FNDC3A: variants seen among roughly 807,000 people sequenced by gnomAD.
The protein encoded by FNDC3A is fibronectin type-III domain-containing protein 3A.
Under a neutral mutation model 148.9 loss-of-function variants are expected in FNDC3A, and 32 were observed. The observed-to-expected ratio is 0.21, with a 90% CI of 0.16 to 0.29. FNDC3A has a LOEUF of 0.29. Ranked by LOEUF, FNDC3A falls within the 10% of genes least tolerant of loss-of-function variation. The pLI is 1.00. For missense variants in FNDC3A, 1,191 were observed against 1,452.8 expected (o/e 0.82, Z 2.93); for synonymous variants, 472 against 473.6 (o/e 1.00, Z 0.04).
intron 12 of FNDC3A, 51 bp downstream of exon 12, chr13:49,174,610 A>G (rs1230206254): frequency 6.8e-7 from 1 of 1,475,462 alleles, no homozygotes; most frequent in South Asian, 1.2e-5. Context: ...TATCAAGTCA[A>G]CGTCAATTGT....
At chr13:49,114,287 C>T (rs973947464) in intron 3 of FNDC3A, among the ~76,000 whole-genome samples, 17 of 151,920 alleles carry the variant, frequency 1.1e-4, no homozygotes, top group African/African-American at 4.1e-4. Flanking sequence ...GTCAGTGTTT[C>T]TAAACTTACA....
chr13:49,173,303 C>T (rs143091350), intron 11 of FNDC3A, among the ~76,000 whole-genome samples: 5 of 152,194 alleles, frequency 3.3e-5, no homozygotes, highest in East Asian at 1.9e-4. Context: ...GATTTTATTC[C>T]GGAAATTCTA....
At chr13:49,179,929 A>G (rs946744489) in intron 14 of FNDC3A, among the ~76,000 whole-genome samples, 2 of 152,214 alleles carry the variant, frequency 1.3e-5, no homozygotes, top group South Asian at 2.1e-4. Context: ...CTTAATTGCC[A>G]TAGAGGTTTT....
At chr13:49,053,628 G>A (rs1876013371) in intron 2 of FNDC3A, among the ~76,000 whole-genome samples, 1 of 152,142 alleles carries the variant, frequency 6.6e-6, no homozygotes, top group African/African-American at 2.4e-5. Flanking sequence ...TTTTCTTAGT[G>A]GTTGAAGGAG....
At chr13:49,124,636 C>T (rs557630442) in intron 4 of FNDC3A, among the ~76,000 whole-genome samples, 1 of 152,046 alleles carries the variant, frequency 6.6e-6, no homozygotes, top group Admixed American at 6.5e-5. Flanking sequence ...TTAGGCAGAA[C>T]CTTAATGAGC....
chr13:49,081,909 G>A (rs1008851683), intron 3 of FNDC3A, among the ~76,000 whole-genome samples: 4 of 151,050 alleles, frequency 2.6e-5, no homozygotes, highest in Non-Finnish European at 5.9e-5. Flanking sequence ...TTTGTCTCAC[G>A]TTGTGTTACT....
chr13:49,007,593 A>T (rs765557312), intron 2 of FNDC3A, among the ~76,000 whole-genome samples: 1 of 152,166 alleles, frequency 6.6e-6, no homozygotes, highest in Non-Finnish European at 1.5e-5. Context: ...TATTCTGTTA[A>T]GGGGAAGACA....
intron 1 of FNDC3A, among the ~76,000 whole-genome samples, chr13:48,988,649 C>A (rs1158981741): frequency 1.3e-5 from 2 of 151,850 alleles, no homozygotes; most frequent in Non-Finnish European, 2.9e-5. Context: ...TGAGACCAGC[C>A]TGAGCAACAT....
At chr13:49,016,280 C>T (rs866774676) in intron 2 of FNDC3A, among the ~76,000 whole-genome samples, 1 of 151,766 alleles carries the variant, frequency 6.6e-6, no homozygotes, top group Non-Finnish European at 1.5e-5. Flanking sequence ...ACAATTTCAG[C>T]TCCTGTTATT....
At chr13:48,998,636 A>G (rs1952067408) in intron 1 of FNDC3A, among the ~76,000 whole-genome samples, 1 of 152,210 alleles carries the variant, frequency 6.6e-6, no homozygotes, top group South Asian at 2.1e-4. Context: ...CCTGTAGTAA[A>G]ATGTAAGAAG....
At chr13:49,148,631 G>C (rs568522591) in intron 8 of FNDC3A, among the ~76,000 whole-genome samples, 1 of 152,292 alleles carries the variant, frequency 6.6e-6, no homozygotes, top group African/African-American at 2.4e-5. Context: ...TTGAAGTCAG[G>C]TAGAGTGATG....
chr13:49,002,056 A>G (rs1461208715), intron 1 of FNDC3A, among the ~76,000 whole-genome samples: 1 of 151,930 alleles, frequency 6.6e-6, no homozygotes, highest in East Asian at 1.9e-4. Flanking sequence ...TCTCTTTTGT[A>G]CTCTGTCCTT....
intron 1 of FNDC3A, among the ~76,000 whole-genome samples, chr13:49,001,878 G>A (rs1952131793): frequency 6.6e-6 from 1 of 152,118 alleles, no homozygotes; most frequent in Non-Finnish European, 1.5e-5. Context: ...CATTTGCCTT[G>A]TGATATCTTA....
chr13:49,179,673 C>T (rs1885209885), intron 14 of FNDC3A, among the ~76,000 whole-genome samples: 1 of 152,132 alleles, frequency 6.6e-6, no homozygotes, highest in Admixed American at 6.5e-5. Flanking sequence ...TGTTAAATGG[C>T]TTATATTTTG....
chr13:49,188,460 C>A, intron 16 of FNDC3A, 55 bp from the exon 17 acceptor site: 2 of 1,061,162 alleles, frequency 1.9e-6, no homozygotes, highest in Non-Finnish European at 2.9e-6. Flanking sequence ...GTCCATGATA[C>A]CAGAACGTTA....
At chr13:48,987,678 T>G (rs140760188) in intron 1 of FNDC3A, among the ~76,000 whole-genome samples, 1 of 152,214 alleles carries the variant, frequency 6.6e-6, no homozygotes, top group Non-Finnish European at 1.5e-5. Flanking sequence ...ATAAATAAGT[T>G]ACAGTAAATT....
At chr13:49,030,325 A>T (rs1680432416) in intron 2 of FNDC3A, among the ~76,000 whole-genome samples, 1 of 152,188 alleles carries the variant, frequency 6.6e-6, no homozygotes, top group South Asian at 2.1e-4. Flanking sequence ...AACACTTTTC[A>T]TGATAAAAAC....
chr13:49,066,476 G>A (rs1200636350), intron 2 of FNDC3A, among the ~76,000 whole-genome samples: 1 of 152,152 alleles, frequency 6.6e-6, no homozygotes, highest in Non-Finnish European at 1.5e-5. Flanking sequence ...GCTGCTTACT[G>A]TGTATGTCAC....
chr13:48,980,045 A>G (rs1435750914), intron 1 of FNDC3A, among the ~76,000 whole-genome samples: 2 of 152,082 alleles, frequency 1.3e-5, no homozygotes, highest in East Asian at 1.9e-4. Context: ...ACTATCATGT[A>G]TATATTTTTC....
Sources: allele counts gnomAD v4.1 joint callset (sites outside exome capture counted in the v4.1 genomes callset), GRCh38; gene constraint gnomAD v4.1.1; transcripts MANE v1.5; gene names NCBI Gene and HGNC (gene_info 2026-07-23, HGNC 2026-07-21).